Variants in NAALADL2 observed in about 807,000 individuals in gnomAD.
The protein encoded by NAALADL2 is N-acetylated alpha-linked acidic dipeptidase like 2, also known as inactive N-acetylated-alpha-linked acidic dipeptidase-like protein 2.
A neutral mutation model predicts 87.2 loss-of-function variants in NAALADL2; 76 were observed. The ratio of observed to expected loss-of-function variants is 0.87; its 90% CI spans 0.72 to 1.05. The LOEUF is 1.05. NAALADL2 is among the 50% of genes least tolerant of loss of function. The probability of loss-of-function intolerance (pLI) is 0.00; values close to 1 mark genes in which losing one functional copy is unlikely to be tolerated. For missense variants in NAALADL2, 1,089 were observed against 945.8 expected (o/e 1.15, Z -1.99); for synonymous variants, 354 against 331.0 (o/e 1.07, Z -0.75).
At chr3:175,324,040 AAAAG>A (rs369997734) in intron 4 of NAALADL2, 131 bp from the exon 5 acceptor site, 7,437 of 533,706 alleles carry the variant, frequency 0.014, 394 homozygotes, top group African/African-American at 0.14. Flanking sequence ...AAAAAAAAAA[AAAAG>A]AAAAAGAAAA....
chr3:175,708,825 TAAA>T (rs565683274), intron 11 of NAALADL2, among the ~76,000 whole-genome samples: 2 of 134,632 alleles, frequency 1.5e-5, no homozygotes. Flanking sequence ...ACCCAGAGAA[TAAA>T]AAAAAAAAAA....
At chr3:175,519,786 T>C (rs1732371420) in intron 9 of NAALADL2, among the ~76,000 whole-genome samples, 1 of 152,196 alleles carries the variant, frequency 6.6e-6, no homozygotes, top group Non-Finnish European at 1.5e-5. Flanking sequence ...TTATAAAATA[T>C]TAAAATACAA....
At chr3:175,438,843 G>T (rs1483896300) in intron 5 of NAALADL2, among the ~76,000 whole-genome samples, 1 of 142,786 alleles carries the variant, frequency 7.0e-6, no homozygotes, top group Non-Finnish European at 1.5e-5. Context: ...ATTTATTTAT[G>T]TATTTATGTA....
chr3:175,245,917 C>T (rs1474623875), intron 3 of NAALADL2, among the ~76,000 whole-genome samples: 1 of 152,088 alleles, frequency 6.6e-6, no homozygotes, highest in Non-Finnish European at 1.5e-5. Flanking sequence ...TCTAATTGGT[C>T]TTAACTGGAA....
At chr3:174,569,029 T>C (rs1169302779) in intron 2 of NAALADL2, among the ~76,000 whole-genome samples, 1 of 151,634 alleles carries the variant, frequency 6.6e-6, no homozygotes, top group Non-Finnish European at 1.5e-5. Context: ...TATGATTATA[T>C]TGTATCTCTA....
intron 10 of NAALADL2, among the ~76,000 whole-genome samples, chr3:175,583,159 A>G (rs13090292): frequency 6.6e-6 from 1 of 152,214 alleles, no homozygotes; most frequent in Non-Finnish European, 1.5e-5. Context: ...GATATATTCA[A>G]CAGCTTATTA....
At chr3:175,333,060 G>A (rs1761576790) in intron 5 of NAALADL2, among the ~76,000 whole-genome samples, 1 of 152,180 alleles carries the variant, frequency 6.6e-6, no homozygotes, top group South Asian at 2.1e-4. Context: ...GCTAGCAGTA[G>A]CATTGGTGGG....
intron 1 of NAALADL2, among the ~76,000 whole-genome samples, chr3:174,454,793 A>G (rs112046786): frequency 1.3e-5 from 2 of 152,222 alleles, no homozygotes; most frequent in South Asian, 4.1e-4. Flanking sequence ...AAAGATCTCA[A>G]TTTAACAACC....
At chr3:175,660,420 T>C (rs1732096951) in intron 11 of NAALADL2, among the ~76,000 whole-genome samples, 1 of 152,316 alleles carries the variant, frequency 6.6e-6, no homozygotes, top group African/African-American at 2.4e-5. Flanking sequence ...ATACACGTGA[T>C]GTTTTGATAC....
At chr3:175,462,075 A>G (rs562562193) in intron 6 of NAALADL2, among the ~76,000 whole-genome samples, 1 of 152,214 alleles carries the variant, frequency 6.6e-6, no homozygotes, top group African/African-American at 2.4e-5. Context: ...ACAACACAAA[A>G]AGTGAATACC....
intron 9 of NAALADL2, among the ~76,000 whole-genome samples, chr3:175,568,907 G>A (rs1355222247): frequency 6.6e-6 from 1 of 152,072 alleles, no homozygotes; most frequent in Non-Finnish European, 1.5e-5. Flanking sequence ...CAATGTTTTG[G>A]CAATAACTGA....
rs559190109 is a variant in NAALADL2, at chr3:175,624,221, G to A, written c.1801-3070G>A. On this transcript the variant is annotated intron_variant, in intron 10 of 13. Transcript: ENST00000454872. The stretch of plus-strand genomic sequence containing the variant: ...TTAGAATTTGTGGGGCTGATAAATA[G>A]GATCTTGGAAGTGGCCTCAGTCATT... 1.2e-4 allele frequency among the ~76,000 whole-genome samples: 18 copies of A among 152,068 alleles called. No homozygotes were observed. In the East Asian group the frequency reaches 3.3e-3, roughly 28 times the overall value.
At chr3:175,138,509 G>A (rs9830548) in intron 2 of NAALADL2, among the ~76,000 whole-genome samples, 14,556 of 151,784 alleles carry the variant, frequency 0.096, 766 homozygotes, top group Admixed American at 0.15. Context: ...GTCCCTGGAT[G>A]GGACACCTTA....
intron 13 of NAALADL2, among the ~76,000 whole-genome samples, chr3:175,786,750 C>G (rs184655821): frequency 6.6e-6 from 1 of 151,874 alleles, no homozygotes; most frequent in Non-Finnish European, 1.5e-5. Flanking sequence ...TGAGGAACTG[C>G]GTTCCTTTGG....
At position 175,250,696 on chromosome 3, in the gene NAALADL2, G is replaced by A. The variant is rs73182799; in HGVS notation, c.820-5715G>A. ...CCTTGAATTCTAGTCATATAAGTTG[G>A]ACAGCTTCTTTTACCTCTCTGAGCA... On this transcript the variant is annotated intron_variant, in intron 3 of 13. Transcript: ENST00000454872. Among the ~76,000 whole-genome samples the A allele has an allele frequency of 9.7e-3, 1,482 of 152,194 alleles. 16 individuals carry two copies. Among genetic ancestry groups the A allele is most frequent in the Non-Finnish European group, 0.016 (1,074 of 68,010 alleles).
At chr3:175,449,484 C>A (rs141946178) in intron 6 of NAALADL2, among the ~76,000 whole-genome samples, 29 of 150,870 alleles carry the variant, frequency 1.9e-4, no homozygotes, top group African/African-American at 6.6e-4. Context: ...CAAGCTCCGC[C>A]TCCCGGGTTC....
chr3:174,742,770 A>G (rs1424137724), intron 3 of NAALADL2, among the ~76,000 whole-genome samples: 1 of 151,512 alleles, frequency 6.6e-6, no homozygotes, highest in African/African-American at 2.4e-5. Context: ...TAAAACTTTT[A>G]TTAGATACTT....
intron 1 of NAALADL2, among the ~76,000 whole-genome samples, chr3:174,885,774 T>C (rs1730017501): frequency 6.7e-6 from 1 of 149,884 alleles, no homozygotes; most frequent in Admixed American, 6.7e-5. Flanking sequence ...ATATATAATA[T>C]AGTCTAGCAG....
intron 1 of NAALADL2, among the ~76,000 whole-genome samples, chr3:175,082,064 A>G (rs62287683): frequency 9.5e-4 from 122 of 128,408 alleles, no homozygotes; most frequent in African/African-American, 3.2e-3. Context: ...GTGTGTGTGT[A>G]TGTGTGTTTA....
Sources: allele counts gnomAD v4.1 joint callset (sites outside exome capture counted in the v4.1 genomes callset), GRCh38; gene constraint gnomAD v4.1.1; transcripts MANE v1.5; gene names NCBI Gene and HGNC (gene_info 2026-07-23, HGNC 2026-07-21).